RBM27: variants seen among roughly 807,000 people sequenced by gnomAD.
The protein encoded by RBM27 is RNA binding motif protein 27, also known as RNA-binding protein 27.
In RBM27, 22 loss-of-function variants were observed where a neutral mutation model predicts 135.3. The ratio of observed to expected loss-of-function variants is 0.16; its 90% CI spans 0.12 to 0.23. The LOEUF is 0.23. Ranked by LOEUF, RBM27 falls within the 10% of genes least tolerant of loss-of-function variation. The pLI is 1.00. For synonymous variants in RBM27, 481 were observed against 442.4 expected, an observed-to-expected ratio of 1.09 and a Z score of -1.10; for missense variants, 1,009 against 1,281.0, an observed-to-expected ratio of 0.79 and a Z score of 3.24.
chr5:146,271,895 G>C lies in RBM27; in HGVS notation c.2988+221G>C, dbSNP rs1161288848. On this transcript the variant is annotated intron_variant, in intron 19 of 20. Transcript: ENST00000265271. ...TTAAGTGCATTTGTAGTGACAAGTT[G>C]TTCCAGAGCTATATTTAATTTTTGT... Among the ~76,000 whole-genome samples the C allele has an allele frequency of 6.6e-5, 10 of 152,180 alleles. No individual in the cohort carries two copies. The East Asian group carries it at 1.9e-3, about 29-fold the overall frequency.
chr5:146,228,180 T>C (rs547866657), intron 3 of RBM27, among the ~76,000 whole-genome samples: 1 of 152,282 alleles, frequency 6.6e-6, no homozygotes, highest in Admixed American at 6.5e-5. Context: ...TGGCTATGAA[T>C]TGACTTTATT....
At chr5:146,215,322 T>A (rs550177133) in intron 1 of RBM27, among the ~76,000 whole-genome samples, 1 of 152,284 alleles carries the variant, frequency 6.6e-6, no homozygotes, top group East Asian at 1.9e-4. Context: ...ACTGCTGGGA[T>A]TACAGGCATG....
At chr5:146,239,472 C>CTTTTTTTTTTTTTTT (rs916182587) in intron 8 of RBM27, among the ~76,000 whole-genome samples, 10 of 55,358 alleles carry the variant, frequency 1.8e-4, no homozygotes, top group African/African-American at 3.8e-4. Context: ...TTTTCCTTTT[C>CTTTTTTTTTTTTTTT]TTTTTTTTTT....
chr5:146,252,423 G>A (rs1031872026), intron 9 of RBM27, among the ~76,000 whole-genome samples: 11 of 152,144 alleles, frequency 7.2e-5, no homozygotes, highest in African/African-American at 2.6e-4. Flanking sequence ...CTTTGCCTTT[G>A]GATCTTATTC....
At chr5:146,221,614 A>G (rs1020920566) in intron 2 of RBM27, among the ~76,000 whole-genome samples, 77 of 152,248 alleles carry the variant, frequency 5.1e-4, no homozygotes, top group African/African-American at 1.8e-3. Flanking sequence ...TTGTATTTTT[A>G]GTAGACAGGG....
At position 146,271,534 on chromosome 5, in the gene RBM27, C is replaced by A. The variant is rs1372093033; in HGVS notation, c.2848C>A (p.Gln950Lys). ...GGGTCGAGGAAAGACCATGTCCTCT[C>A]AAGGTCGAGGAAGAGGCCGAGGGCG... ...PVGRGKTMSSQGRGRGRGRGG... is the reference protein window; with the variant it reads ...PVGRGKTMSSKGRGRGRGRGG... The change falls in exon 19 of 21, where the codon CAA (glutamine) becomes AAA (lysine). Residue 950 changes from glutamine to lysine, a missense_variant. Physicochemically the swap from Gln to Lys is moderately conservative, Grantham distance 53. Transcript: ENST00000265271. The A allele has an allele frequency of 1.2e-6, 2 of 1,613,630 alleles. No homozygotes were observed. The highest frequency in any genetic ancestry group is 1.7e-6 in the Non-Finnish European group (2 of 1,179,720).
rs1561575141 is a variant in RBM27, at chr5:146,285,985, CGATGAA to C, written c.3151_3156del (p.Asp1051_Glu1052del). The stretch of plus-strand genomic sequence containing the variant: ...CAGATTTGTTTTTGCCTGATGATGA[CGATGAA>C]GATGAAGATGAATATGAGTCTCGCT... On this transcript the variant is annotated inframe_deletion, in exon 21 of 21. Coordinates refer to ENST00000265271, the MANE Select transcript of RBM27 (RefSeq NM_018989.2). 2 of 1,612,268 alleles carry C rather than the reference CGATGAA, an allele frequency of 1.2e-6. No homozygotes were observed. The highest frequency in any genetic ancestry group is 2.2e-5 in the East Asian group (1 of 44,746).
chr5:146,277,470 A>C (rs1581241651), intron 19 of RBM27, among the ~76,000 whole-genome samples: 1 of 152,130 alleles, frequency 6.6e-6, no homozygotes, highest in East Asian at 1.9e-4. Flanking sequence ...AACTATTATG[A>C]ACAATGTTAT....
chr5:146,232,442 A>G (rs989682156), intron 6 of RBM27, among the ~76,000 whole-genome samples: 1 of 152,232 alleles, frequency 6.6e-6, no homozygotes, highest in Non-Finnish European at 1.5e-5. Context: ...CATTTTTAAC[A>G]TAAATACTAG....
intron 3 of RBM27, 102 bp downstream of exon 3, chr5:146,223,629 C>T: frequency 7.5e-7 from 1 of 1,333,756 alleles, no homozygotes; most frequent in South Asian, 1.6e-5. Context: ...TGTATTGATT[C>T]AAGTTTCCGG....
At position 146,267,743 on chromosome 5, in the gene RBM27, T is replaced by C. The variant is rs1758679163; in HGVS notation, c.2426T>C (p.Val809Ala). ...TGTTCAGGGTCTAAATCTCATGATG[T>C]TCAAGAAGTGCTTAAAAAAAAACAG... The part of the protein sequence containing the change: ...KLCSGSKSHD[V>A]QEVLKKKQEA... The change falls in exon 15 of 21, where the codon GTT becomes GCT. Residue 809 changes from valine to alanine, a missense_variant. Val to Ala is a moderately conservative substitution (Grantham distance 64, BLOSUM62 0). Around this residue, in one of 6 missense-constraint regions of RBM27, gnomAD observed 355 missense variants for 427.3 expected, o/e 0.83. Coordinates refer to ENST00000265271, the MANE Select transcript of RBM27 (RefSeq NM_018989.2). 2 of 1,607,778 alleles carry C rather than the reference T, an allele frequency of 1.2e-6. No individual in the cohort carries two copies. Among genetic ancestry groups the C allele is most frequent in the Non-Finnish European group, 1.7e-6 (2 of 1,177,942 alleles).
intron 19 of RBM27, among the ~76,000 whole-genome samples, chr5:146,278,840 G>A (rs568275684): frequency 6.6e-6 from 1 of 151,666 alleles, no homozygotes; most frequent in East Asian, 2.0e-4. Context: ...TCCTGCCTCA[G>A]CCTCCCGAGT....
intron 8 of RBM27, among the ~76,000 whole-genome samples, chr5:146,245,713 CG>C (rs527781979): frequency 6.6e-6 from 1 of 151,998 alleles, no homozygotes; most frequent in Non-Finnish European, 1.5e-5. Flanking sequence ...CCCCGGGTCA[CG>C]GTGGCACTAA....
chr5:146,241,799 A>C (rs1757418453), intron 8 of RBM27, among the ~76,000 whole-genome samples: 1 of 152,078 alleles, frequency 6.6e-6, no homozygotes, highest in Non-Finnish European at 1.5e-5. Context: ...TTTCTAAGAA[A>C]ATTCTTGGGA....
chr5:146,273,136 T>C (rs1008561841), intron 19 of RBM27, among the ~76,000 whole-genome samples: 7 of 152,180 alleles, frequency 4.6e-5, no homozygotes, highest in African/African-American at 1.4e-4. Context: ...TGAGGTGATA[T>C]TGGATTATGT....
At chr5:146,260,708 A>T in intron 11 of RBM27, 37 bp from the exon 12 acceptor site, 1 of 1,533,988 alleles carries the variant, frequency 6.5e-7, no homozygotes, top group Non-Finnish European at 8.8e-7. Context: ...GGCATGAAGT[A>T]GGAGAATTAA....
chr5:146,277,517 ATTTTTTTTTT>A (rs371321141), intron 19 of RBM27, among the ~76,000 whole-genome samples: 3 of 125,546 alleles, frequency 2.4e-5, no homozygotes, highest in East Asian at 2.2e-4. Flanking sequence ...TACTGGGATA[ATTTTTTTTTT>A]TTTTTTTTTT....
Position 146,254,938 on chromosome 5 carries a change from C to T in RBM27, c.1445-5C>T. 1 of 1,558,340 alleles carries T rather than the reference C, an allele frequency of 6.4e-7. No individual in the cohort carries two copies. Among genetic ancestry groups the T allele is most frequent in the Non-Finnish European group, 8.7e-7 (1 of 1,145,234 alleles). On this transcript the variant is annotated splice_region_variant and splice_polypyrimidine_tract_variant and intron_variant, in intron 9 of 20. Coordinates refer to ENST00000265271, the MANE Select transcript of RBM27 (RefSeq NM_018989.2). The stretch of plus-strand genomic sequence containing the variant: ...TGTGTGTTTTGTTGCTTTGTTTTCC[C>T]TCAGATACATATGAACCAGATGGTT...
At chr5:146,211,990 C>T (rs1755979443) in intron 1 of RBM27, among the ~76,000 whole-genome samples, 1 of 152,064 alleles carries the variant, frequency 6.6e-6, no homozygotes, top group African/African-American at 2.4e-5. Flanking sequence ...TTTGACATTA[C>T]ATCAGAAGCA....
Sources: allele counts gnomAD v4.1 joint callset (sites outside exome capture counted in the v4.1 genomes callset), GRCh38; gene constraint gnomAD v4.1.1; regional missense constraint gnomAD v4.1.1; transcripts MANE v1.5; gene names NCBI Gene and HGNC (gene_info 2026-07-23, HGNC 2026-07-21).